The following MARK1 variants were observed in gnomAD, a reference collection of about 807,000 sequenced individuals.
MARK1 encodes serine/threonine-protein kinase MARK1.
In MARK1, 40 loss-of-function variants were observed where a neutral mutation model predicts 96.3. The ratio of observed to expected loss-of-function variants is 0.42; its 90% CI spans 0.32 to 0.54. MARK1 has a LOEUF of 0.54. Among genes scored for constraint, MARK1 ranks in the 20% least tolerant of loss-of-function variants. The probability of loss-of-function intolerance (pLI) is 0.16; values close to 1 mark genes in which losing one functional copy is unlikely to be tolerated. For synonymous variants in MARK1, 317 were observed against 341.2 expected, an observed-to-expected ratio of 0.93 and a Z score of 0.78; for missense variants, 719 against 984.6, an observed-to-expected ratio of 0.73 and a Z score of 3.61.
At chr1:220,624,525 G>A (rs1667216239) in intron 9 of MARK1, among the ~76,000 whole-genome samples, 1 of 151,196 alleles carries the variant, frequency 6.6e-6, no homozygotes, top group South Asian at 2.1e-4. Context: ...TTGAACCTGG[G>A]AGGGCAGAGG....
rs1220075135 is a variant in MARK1, at chr1:220,618,970, G to A, written c.909+215G>A. Among the ~76,000 whole-genome samples, 1 of 152,108 alleles carries A rather than the reference G, an allele frequency of 6.6e-6. No individual in the cohort carries two copies. Among genetic ancestry groups the A allele is most frequent in the Admixed American group, 6.5e-5 (1 of 15,268 alleles). On this transcript the variant is annotated intron_variant, in intron 9 of 17. Transcript: ENST00000366917. The surrounding 1 kb of genome is among the most constrained non-coding windows in gnomAD (Gnocchi z 4.6). ...ACTATTATTTCCTCTTTGTTCTGCA[G>A]TGCCGTATTAAATAAAAACAACACA...
chr1:220,634,410 C>T (rs887862748), intron 11 of MARK1, among the ~76,000 whole-genome samples: 3 of 152,176 alleles, frequency 2.0e-5, no homozygotes, highest in African/African-American at 7.2e-5. Flanking sequence ...CCTACCCCAG[C>T]ACAACCACTA....
At chr1:220,604,861 AGTGAATT>A (rs1421598407) in intron 6 of MARK1, among the ~76,000 whole-genome samples, 2 of 152,192 alleles carry the variant, frequency 1.3e-5, no homozygotes, top group African/African-American at 4.8e-5. Context: ...ATAGCAAATT[AGTGAATT>A]GTAAATTGTA....
At position 220,532,613 on chromosome 1, in the gene MARK1, A is replaced by G. The variant is rs111402899; in HGVS notation, c.51+3740A>G. Among the ~76,000 whole-genome samples the G allele has an allele frequency of 2.2e-4, 33 of 152,338 alleles. 1 individual carries two copies. The highest frequency in any genetic ancestry group is 7.0e-4 in the African/African-American group (29 of 41,584). On this transcript the variant is annotated intron_variant, in intron 1 of 17. Transcript: ENST00000366917. ...TGACCTACCCAAGGTTAATAATTCT[A>G]TCCTTCAAGGTGAATAATGAAAATC...
chr1:220,609,163 T>C (rs1168124076), intron 6 of MARK1, among the ~76,000 whole-genome samples: 3 of 152,208 alleles, frequency 2.0e-5, no homozygotes, highest in Non-Finnish European at 4.4e-5. Flanking sequence ...TGTTAAAGTC[T>C]CCCATTATTA....
chr1:220,623,569 A>G (rs1048308312), intron 9 of MARK1, among the ~76,000 whole-genome samples: 6 of 152,200 alleles, frequency 3.9e-5, no homozygotes, highest in Non-Finnish European at 5.9e-5. Flanking sequence ...CCCAGTGGCT[A>G]GAATAATAAT....
intron 1 of MARK1, among the ~76,000 whole-genome samples, chr1:220,533,278 T>C (rs1660454282): frequency 6.6e-6 from 1 of 152,224 alleles, no homozygotes; most frequent in African/African-American, 2.4e-5. Context: ...ACATCAGTGG[T>C]CTCTAAAGTG....
intron 1 of MARK1, among the ~76,000 whole-genome samples, chr1:220,534,361 C>A (rs777920533): frequency 7.2e-5 from 11 of 152,072 alleles, no homozygotes; most frequent in Non-Finnish European, 1.5e-4. Flanking sequence ...ATAGTCACCT[C>A]AGTGATCTAT....
intron 11 of MARK1, among the ~76,000 whole-genome samples, chr1:220,634,507 A>G (rs985116385): frequency 1.3e-5 from 2 of 152,222 alleles, no homozygotes; most frequent in African/African-American, 4.8e-5. Context: ...TTTTAGAATC[A>G]TTGAAAATGT....
chr1:220,653,558 G>A (rs1669009281), intron 16 of MARK1, among the ~76,000 whole-genome samples: 1 of 152,084 alleles, frequency 6.6e-6, no homozygotes, highest in Admixed American at 6.6e-5. Flanking sequence ...TGGACAAAAT[G>A]AGATTTTAAA....
At chr1:220,549,334 C>G (rs943387314) in intron 1 of MARK1, among the ~76,000 whole-genome samples, 1 of 152,136 alleles carries the variant, frequency 6.6e-6, no homozygotes, top group African/African-American at 2.4e-5. Context: ...ACACATATAG[C>G]GCCCTTAGAA....
At chr1:220,555,479 G>A (rs188892515) in intron 1 of MARK1, among the ~76,000 whole-genome samples, 1 of 152,232 alleles carries the variant, frequency 6.6e-6, no homozygotes, top group East Asian at 1.9e-4. Context: ...AAGTGGTAAA[G>A]GTAAAGGTGT....
intron 3 of MARK1, among the ~76,000 whole-genome samples, chr1:220,591,966 G>A (rs1362936495): frequency 6.6e-6 from 1 of 151,926 alleles, no homozygotes; most frequent in African/African-American, 2.4e-5. Context: ...TAGCTGGACA[G>A]CAGTCTAGCA....
intron 1 of MARK1, among the ~76,000 whole-genome samples, chr1:220,549,779 C>T (rs1661737857): frequency 6.6e-6 from 1 of 152,208 alleles, no homozygotes. Context: ...ATCCCGAGCT[C>T]AGCCTTTTAC....
intron 9 of MARK1, among the ~76,000 whole-genome samples, chr1:220,622,102 T>C (rs1246941288): frequency 6.6e-6 from 1 of 152,238 alleles, no homozygotes; most frequent in East Asian, 1.9e-4. Flanking sequence ...CCTCTCATAA[T>C]GAGGGCATTA....
chr1:220,578,482 G>T (rs1376139899), intron 1 of MARK1, among the ~76,000 whole-genome samples: 1 of 152,182 alleles, frequency 6.6e-6, no homozygotes, highest in East Asian at 1.9e-4. Flanking sequence ...ATGGACCTGG[G>T]CAGGACTATA....
intron 9 of MARK1, among the ~76,000 whole-genome samples, chr1:220,629,994 T>C (rs959373603): frequency 2.0e-5 from 3 of 152,184 alleles, no homozygotes; most frequent in African/African-American, 7.2e-5. Flanking sequence ...CATATGGTAG[T>C]TCTATTTTTA....
chr1:220,541,223 A>G (rs368001669), intron 1 of MARK1, among the ~76,000 whole-genome samples: 2 of 152,024 alleles, frequency 1.3e-5, no homozygotes, highest in East Asian at 3.9e-4. Context: ...AAGAGCCACC[A>G]CACCCAGCCT....
At chr1:220,583,814 ATTTTTTTTTTTTTT>A (rs34848222) in intron 3 of MARK1, among the ~76,000 whole-genome samples, 1 of 105,206 alleles carries the variant, frequency 9.5e-6, no homozygotes, top group Non-Finnish European at 1.9e-5. Flanking sequence ...TGCCTGGCTA[ATTTTTTTTTTTTTT>A]TTTTTTTTTT....
Sources: gnomAD v4.1 joint callset for allele counts (sites outside exome capture counted in the v4.1 genomes callset) on GRCh38, gnomAD v4.1.1 for gene constraint, Gnocchi (gnomAD v3.1) non-coding constraint, MANE v1.5 for transcripts, NCBI Gene and HGNC (gene_info 2026-07-23, HGNC 2026-07-21) for gene names.